The following TNR variants were observed in gnomAD, a reference collection of about 807,000 sequenced individuals.
TNR encodes tenascin-R.
A neutral mutation model predicts 150.4 loss-of-function variants in TNR; 45 were observed. That is an observed-to-expected ratio of 0.30 (90% CI 0.24 to 0.38). The LOEUF (loss-of-function observed/expected upper bound fraction) is 0.38. TNR is among the 10% of genes least tolerant of loss of function. The pLI, the probability that TNR is intolerant of heterozygous loss-of-function variation, is 1.00. For missense variants in TNR, 1,544 were observed against 1,759.1 expected (o/e 0.88, Z 2.19); for synonymous variants, 687 against 678.4 (o/e 1.01, Z -0.20).
Position 175,410,492 on chromosome 1 carries a change from T to C in TNR, c.-63-3715A>G, listed in dbSNP as rs1431771307. ...GCTGCTCTGAGAAGGCTGGAGGAGA[T>C]GCTAGCAACTCTGCCGGGGGCTGCA... On this transcript the variant is annotated intron_variant, in intron 2 of 22. Coordinates refer to ENST00000367674, the MANE Select transcript of TNR (RefSeq NM_003285.3). 4.6e-5 allele frequency among the ~76,000 whole-genome samples: 7 copies of C among 152,232 alleles called. No individual in the cohort carries two copies. In the East Asian group the frequency reaches 1.3e-3, roughly 29 times the overall value.
At chr1:175,725,605 G>A (rs1227726640) in intron 1 of TNR, among the ~76,000 whole-genome samples, 1 of 152,178 alleles carries the variant, frequency 6.6e-6, no homozygotes, top group Non-Finnish European at 1.5e-5. Context: ...GAAAATAAAG[G>A]ATCACAATTT....
intron 20 of TNR, among the ~76,000 whole-genome samples, chr1:175,331,158 TTTCTTTCCTTCCTTCCTTCCTTCC>T (rs1206101036): frequency 3.0e-5 from 3 of 101,598 alleles, no homozygotes; most frequent in Admixed American, 1.1e-4. Flanking sequence ...TTTCTTTCTT[TTTCTTTCCTTCCTTCCTTCCTTCC>T]TTCCTTCCTT....
rs114965542 is a variant in TNR at position 175,362,164 on chromosome 1, G to A, written c.2854+499C>T. On this transcript the variant is annotated intron_variant, in intron 14 of 22. Transcript: ENST00000367674. ...ACATCACCTTCACTGCTTTGGTCCC[G>A]GGTGAGGGAGTTATGGCCACTTTGG... is the stretch of plus-strand genomic sequence containing the variant. 4.3e-3 allele frequency among the ~76,000 whole-genome samples: 656 copies of A among 152,258 alleles called. 4 individuals are homozygous for A. The highest frequency in any genetic ancestry group is 0.015 in the African/African-American group (633 of 41,552).
At chr1:175,714,334 T>C (rs1667096035) in intron 1 of TNR, among the ~76,000 whole-genome samples, 3 of 152,134 alleles carry the variant, frequency 2.0e-5, no homozygotes, top group South Asian at 4.1e-4. Context: ...AGGCAGATGA[T>C]ATAAATGAGG....
chr1:175,372,368 G>A lies in TNR; in HGVS notation c.1964-5071C>T, dbSNP rs893703941. Among the ~76,000 whole-genome samples, 6 of 152,318 alleles carry A rather than the reference G, an allele frequency of 3.9e-5. No individual in the cohort carries two copies. The South Asian group carries it at 1.0e-3, about 26-fold the overall frequency. On this transcript the variant is annotated intron_variant, in intron 9 of 22. Transcript: ENST00000367674. ...GATCAGCATGGGACTAAGAGGACAC[G>A]ATCAGCAGGGAGAAGATCAGCATGG...
chr1:175,457,451 G>A (rs895090694), intron 2 of TNR, among the ~76,000 whole-genome samples: 10 of 152,178 alleles, frequency 6.6e-5, no homozygotes, highest in East Asian at 1.9e-4. Context: ...TGAGTTGGCC[G>A]GCCAAGCCAG....
chr1:175,638,801 C>T (rs1160442406), intron 1 of TNR, among the ~76,000 whole-genome samples: 2 of 152,204 alleles, frequency 1.3e-5, no homozygotes, highest in Non-Finnish European at 2.9e-5. Context: ...TTTAACTAAA[C>T]AATCCGTCCT....
intron 2 of TNR, among the ~76,000 whole-genome samples, chr1:175,515,077 C>A (rs1481543049): frequency 6.6e-6 from 1 of 152,218 alleles, no homozygotes; most frequent in Admixed American, 6.5e-5. Context: ...TGAAAATAAA[C>A]TTTTAAAATG....
intron 18 of TNR, among the ~76,000 whole-genome samples, chr1:175,354,135 G>A (rs370501065): frequency 6.6e-6 from 1 of 152,268 alleles, no homozygotes; most frequent in East Asian, 1.9e-4. Context: ...GTGAGTCACC[G>A]CACCCAGCCA....
At chr1:175,415,779 G>A (rs1654414835) in intron 2 of TNR, among the ~76,000 whole-genome samples, 1 of 152,164 alleles carries the variant, frequency 6.6e-6, no homozygotes, top group Non-Finnish European at 1.5e-5. Flanking sequence ...TCTGGAGAAT[G>A]GGATCTTGAG....
intron 7 of TNR, among the ~76,000 whole-genome samples, chr1:175,390,437 C>T (rs1653119766): frequency 6.6e-6 from 1 of 152,080 alleles, no homozygotes; most frequent in Non-Finnish European, 1.5e-5. Flanking sequence ...AAATGAGAAC[C>T]AAAACTTATG....
intron 2 of TNR, among the ~76,000 whole-genome samples, chr1:175,461,260 G>A (rs911774951): frequency 1.3e-5 from 2 of 152,200 alleles, no homozygotes; most frequent in Non-Finnish European, 2.9e-5. Context: ...CATAGCAGCT[G>A]GTGGCTGCAA....
intron 2 of TNR, among the ~76,000 whole-genome samples, chr1:175,517,180 C>A (rs554199205): frequency 5.3e-5 from 8 of 152,270 alleles, no homozygotes; most frequent in African/African-American, 1.9e-4. Context: ...TACCTCCCCC[C>A]AACATTTCCT....
At chr1:175,633,708 G>A (rs1272072523) in intron 1 of TNR, among the ~76,000 whole-genome samples, 1 of 152,152 alleles carries the variant, frequency 6.6e-6, no homozygotes, top group African/African-American at 2.4e-5. Flanking sequence ...GGCCAGGAAA[G>A]GGAGGAGGAA....
At chr1:175,420,772 C>T (rs1370102945) in intron 2 of TNR, among the ~76,000 whole-genome samples, 2 of 152,156 alleles carry the variant, frequency 1.3e-5, no homozygotes, top group Non-Finnish European at 2.9e-5. Context: ...AGGCTCAATC[C>T]TATGGATAAC....
intron 1 of TNR, among the ~76,000 whole-genome samples, chr1:175,701,682 TTG>T (rs1405632382): frequency 6.6e-6 from 1 of 152,186 alleles, no homozygotes; most frequent in Non-Finnish European, 1.5e-5. Flanking sequence ...ATTCTTTCAA[TTG>T]TATTAACAAT....
chr1:175,466,592 A>G (rs1453558457), intron 2 of TNR, among the ~76,000 whole-genome samples: 1 of 152,126 alleles, frequency 6.6e-6, no homozygotes, highest in African/African-American at 2.4e-5. Flanking sequence ...TTTCTGGGCC[A>G]GCCAGGGTGT....
In TNR at chr1:175,331,078, C is replaced by CTTTCTTTCTTTCTTTCTTTCTTTCCTTCT. The variant is rs57439733; in HGVS notation, c.3632-844_3632-843insAGAAGGAAAGAAAGAAAGAAAGAAAGAAA. Among the ~76,000 whole-genome samples the CTTTCTTTCTTTCTTTCTTTCTTTCCTTCT allele has an allele frequency of 3.0e-4, 18 of 59,942 alleles. 1 individual carries two copies. The highest frequency in any genetic ancestry group is 1.1e-3 in the African/African-American group (18 of 15,860). The allele number at this position is 59,942 out of a possible 152,430, so 39.3% of individuals were successfully genotyped here. A position where few individuals can be genotyped will look rare whatever the true frequency, so the allele number is the denominator to read the frequency against. On this transcript the variant is annotated intron_variant, in intron 20 of 22. Coordinates refer to ENST00000367674, the MANE Select transcript of TNR (RefSeq NM_003285.3). Reference sequence around the variant, plus strand: ...CTTTCTTTCTTTCTTTCTTTCTTTCCTTCTTTCTTTCTTTCTTTCTTTCTC... The same window carrying CTTTCTTTCTTTCTTTCTTTCTTTCCTTCT: ...CTTTCTTTCTTTCTTTCTTTCTTTCCTTTCTTTCTTTCTTTCTTTCTTTCCTTCTTTCTTTCTTTCTTTCTTTCTTTCTC...
chr1:175,724,603 C>T (rs1241747967), intron 1 of TNR, among the ~76,000 whole-genome samples: 2 of 152,068 alleles, frequency 1.3e-5, no homozygotes, highest in Non-Finnish European at 2.9e-5. Flanking sequence ...ATTCCTTGAC[C>T]TGAAGGGTGG....
Sources: gnomAD v4.1 joint callset for allele counts (sites outside exome capture counted in the v4.1 genomes callset) on GRCh38, gnomAD v4.1.1 for gene constraint, MANE v1.5 for transcripts, NCBI Gene and HGNC (gene_info 2026-07-23, HGNC 2026-07-21) for gene names.